PLCL2: variants seen among roughly 807,000 people sequenced by gnomAD.
PLCL2 encodes phospholipase C like 2, also known as inactive phospholipase C-like protein 2.
Under a neutral mutation model 79.6 loss-of-function variants are expected in PLCL2, and 4 were observed. The ratio of observed to expected loss-of-function variants is 0.05; its 90% CI spans 0.02 to 0.11. The LOEUF (loss-of-function observed/expected upper bound fraction) is 0.11, where lower values mean the gene tolerates loss of function less well. Ranked by LOEUF, PLCL2 falls within the 10% of genes least tolerant of loss-of-function variation. The probability of loss-of-function intolerance (pLI) is 1.00; values close to 1 mark genes in which losing one functional copy is unlikely to be tolerated. For synonymous variants in PLCL2, 484 were observed against 457.7 expected (o/e 1.06, Z -0.73); for missense variants, 895 against 1,291.0 (o/e 0.69, Z 4.70).
At chr3:17,008,258 A>G (rs1436689679) in intron 1 of PLCL2, among the ~76,000 whole-genome samples, 2 of 151,044 alleles carry the variant, frequency 1.3e-5, no homozygotes, top group African/African-American at 4.9e-5. Flanking sequence ...AACAGCTATA[A>G]TCTAGCCCTT....
intron 1 of PLCL2, among the ~76,000 whole-genome samples, chr3:16,955,515 T>C (rs2063696343): frequency 6.6e-6 from 1 of 152,206 alleles, no homozygotes. Flanking sequence ...ATGCGGGCTC[T>C]TTTTTGGTTC....
intron 1 of PLCL2, among the ~76,000 whole-genome samples, chr3:16,969,230 G>T (rs1039720505): frequency 2.0e-5 from 3 of 151,950 alleles, no homozygotes; most frequent in Admixed American, 1.3e-4. Context: ...CTTCCAGGTT[G>T]TGGTATCAGG....
chr3:16,884,964 CGCGGCGGCCCGAG>C lies in PLCL2; in HGVS notation c.-67_-55del. ...CGGGAGGAGAGGAGGAGGGGCCGCGCGCGGCGGCCCGAGGCGGCGGCGGGGACGCGGGGACGCG... is the reference window on the plus strand; with the variant it reads ...CGGGAGGAGAGGAGGAGGGGCCGCGCGCGGCGGCGGGGACGCGGGGACGCG... On this transcript the variant is annotated 5_prime_UTR_variant, in exon 1 of 6. Transcript: ENST00000615277. This position sits in a 1 kb window ranked among gnomAD's most constrained non-coding sequence, Gnocchi z 9.3. The C allele has an allele frequency of 6.1e-6, 1 of 163,614 alleles. No homozygotes were observed. Among genetic ancestry groups the C allele is most frequent in the Non-Finnish European group, 1.3e-5 (1 of 77,728 alleles). The allele number at this position is 163,614 out of a possible 1,614,324, so 10.1% of individuals were successfully genotyped here.
intron 1 of PLCL2, among the ~76,000 whole-genome samples, chr3:16,897,424 A>G (rs1448817676): frequency 6.6e-6 from 1 of 152,074 alleles, no homozygotes; most frequent in Non-Finnish European, 1.5e-5. Flanking sequence ...CATCCCTCAC[A>G]AGAGAAACTA....
chr3:16,992,422 C>T (rs2064113724), intron 1 of PLCL2, among the ~76,000 whole-genome samples: 1 of 152,230 alleles, frequency 6.6e-6, no homozygotes, highest in Non-Finnish European at 1.5e-5. Flanking sequence ...CCACAGTGCT[C>T]ACCACACCTC....
chr3:17,013,175 C>T (rs1476848637), intron 2 of PLCL2, among the ~76,000 whole-genome samples: 3 of 151,702 alleles, frequency 2.0e-5, no homozygotes, highest in Admixed American at 6.5e-5. Flanking sequence ...TCTGAGCAAG[C>T]GCATTGTCCA....
intron 1 of PLCL2, among the ~76,000 whole-genome samples, chr3:16,972,628 A>G (rs2063884290): frequency 1.3e-5 from 2 of 152,116 alleles, no homozygotes; most frequent in Non-Finnish European, 2.9e-5. Context: ...GTGATTATCC[A>G]AGTCTTCATA....
chr3:16,890,867 A>G (rs79843017), intron 1 of PLCL2, among the ~76,000 whole-genome samples: 6,154 of 152,286 alleles, frequency 0.04, 205 homozygotes, highest in Admixed American at 0.1. Flanking sequence ...GAGTAATTCC[A>G]TAGCTTTAGG....
intron 1 of PLCL2, among the ~76,000 whole-genome samples, chr3:16,914,523 GT>G (rs565692534): frequency 1.5e-3 from 215 of 143,988 alleles, no homozygotes; most frequent in South Asian, 7.1e-3. Context: ...AAATTTCCAG[GT>G]TTTTTTTTTT....
At chr3:17,046,988 A>G (rs1575603140) in intron 4 of PLCL2, among the ~76,000 whole-genome samples, 1 of 152,202 alleles carries the variant, frequency 6.6e-6, no homozygotes, top group East Asian at 1.9e-4. Flanking sequence ...TTAATAGGTG[A>G]TGCTTGAAAA....
intron 3 of PLCL2, among the ~76,000 whole-genome samples, chr3:17,033,753 C>G (rs1425596425): frequency 6.6e-6 from 1 of 152,214 alleles, no homozygotes; most frequent in East Asian, 1.9e-4. Flanking sequence ...CCTCCAACAC[C>G]CACTTCCACC....
intron 1 of PLCL2, among the ~76,000 whole-genome samples, chr3:16,915,511 C>A (rs78324461): frequency 1.0e-3 from 154 of 152,268 alleles, no homozygotes; most frequent in Non-Finnish European, 1.9e-3. Context: ...TTGGCACTGG[C>A]AACAGTTACT....
chr3:16,954,076 G>A (rs2063678603), intron 1 of PLCL2, among the ~76,000 whole-genome samples: 1 of 152,048 alleles, frequency 6.6e-6, no homozygotes, highest in African/African-American at 2.4e-5. Flanking sequence ...TGCACAGTGT[G>A]CAGGTTTGTT....
intron 4 of PLCL2, among the ~76,000 whole-genome samples, chr3:17,050,170 C>T (rs1373161269): frequency 6.6e-6 from 1 of 152,126 alleles, no homozygotes; most frequent in African/African-American, 2.4e-5. Context: ...TCTCCTTATA[C>T]AGAAATCAAA....
At chr3:16,989,445 A>G (rs1246072195) in intron 1 of PLCL2, among the ~76,000 whole-genome samples, 4 of 152,186 alleles carry the variant, frequency 2.6e-5, no homozygotes, top group Non-Finnish European at 5.9e-5. Context: ...TGTGCTGTAA[A>G]TGTAAAATAT....
intron 1 of PLCL2, among the ~76,000 whole-genome samples, chr3:16,984,871 G>T (rs1348982764): frequency 6.6e-6 from 1 of 152,054 alleles, no homozygotes; most frequent in Admixed American, 6.6e-5. Context: ...GGCGGAGCTT[G>T]CAGTGAGCCA....
chr3:17,011,907 CGG>C lies in PLCL2; in HGVS notation c.2563_2564del (p.Gly855LeufsTer27). 1 of 1,614,218 alleles carries C rather than the reference CGG, an allele frequency of 6.2e-7. No individual in the cohort carries two copies. Among genetic ancestry groups the C allele is most frequent in the Non-Finnish European group, 8.5e-7 (1 of 1,180,044 alleles). On this transcript the variant is annotated frameshift_variant, in exon 2 of 6. Coordinates refer to ENST00000615277, the MANE Select transcript of PLCL2 (RefSeq NM_001144382.2). LOFTEE classifies it high-confidence loss of function. This position sits in a 1 kb window ranked among gnomAD's most constrained non-coding sequence, Gnocchi z 7.9. ...ACAATTCCCTTTGAATGTTTACAGA[CGG>C]GCTACCGCCATGTCCCCCTGCAGTC...
chr3:16,972,476 T>C (rs2063881963), intron 1 of PLCL2, among the ~76,000 whole-genome samples: 1 of 152,170 alleles, frequency 6.6e-6, no homozygotes. Flanking sequence ...TATATTCTGT[T>C]GTTTTGGGGT....
intron 1 of PLCL2, among the ~76,000 whole-genome samples, chr3:16,965,202 T>C (rs899650434): frequency 3.9e-5 from 6 of 152,212 alleles, no homozygotes; most frequent in African/African-American, 1.2e-4. Context: ...TTGTATAAGG[T>C]ATAAGGAAGG....
Sources: allele counts gnomAD v4.1 joint callset (sites outside exome capture counted in the v4.1 genomes callset), GRCh38; gene constraint gnomAD v4.1.1; non-coding constraint Gnocchi (gnomAD v3.1); transcripts MANE v1.5; gene names NCBI Gene and HGNC (gene_info 2026-07-23, HGNC 2026-07-21).